The following COG3 variants were observed in gnomAD, a reference collection of about 807,000 sequenced individuals.
COG3 encodes conserved oligomeric Golgi complex subunit 3.
COG3 carries 32 observed loss-of-function variants against 114.1 expected under a neutral mutation model. That is an observed-to-expected ratio of 0.28 (90% CI 0.21 to 0.38). The LOEUF is 0.38. COG3 is among the 10% of genes least tolerant of loss of function. COG3 has a pLI of 1.00. For synonymous variants in COG3, 352 were observed against 365.7 expected (o/e 0.96, Z 0.43); for missense variants, 813 against 973.2 (o/e 0.84, Z 2.19).
intron 17 of COG3, 80 bp downstream of exon 17, chr13:45,516,343 ATG>A: frequency 3.2e-6 from 4 of 1,234,514 alleles, no homozygotes; most frequent in Non-Finnish European, 4.3e-6. Context: ...GGTTTATTTT[ATG>A]TTCATCTGCA....
intron 12 of COG3, among the ~76,000 whole-genome samples, chr13:45,495,408 T>TA (rs1018944620): frequency 8.5e-5 from 13 of 152,084 alleles, no homozygotes; most frequent in African/African-American, 2.9e-4. Flanking sequence ...GACAGGGTCT[T>TA]ACTCTATTGC....
intron 15 of COG3, among the ~76,000 whole-genome samples, chr13:45,510,145 T>C (rs530069893): frequency 1.3e-3 from 189 of 146,470 alleles, no homozygotes; most frequent in African/African-American, 5.0e-3. Context: ...TAATGAATTG[T>C]CTAGATGCCA....
chr13:45,503,217 A>G lies in COG3; in HGVS notation c.1489-27A>G, dbSNP rs765526891. ...GTTGCCAAACACTGCTGAAAACGGT[A>G]ACATTCCTTCTGATTTCTTTATACA... On this transcript the variant is annotated intron_variant, in intron 13 of 22. Transcript: ENST00000349995. 4.5e-6 allele frequency: 5 copies of G among 1,112,952 alleles called. No individual in the cohort carries two copies. The South Asian group carries it at 6.2e-5, about 14-fold the overall frequency. 68.9% of individuals were successfully genotyped at this position (1,112,952 alleles called of 1,614,324 possible).
intron 14 of COG3, among the ~76,000 whole-genome samples, chr13:45,508,333 C>A (rs114868355): frequency 7.5e-5 from 11 of 147,044 alleles, no homozygotes; most frequent in African/African-American, 2.7e-4. Context: ...TGATGAACAC[C>A]CATACCCACA....
In COG3 at chr13:45,530,772, A is replaced by G. The variant is rs752176778; in HGVS notation, c.2449A>G (p.Met817Val). The change falls in exon 22 of 23, where the codon ATG (methionine) becomes GTG (valine). Residue 817 changes from methionine (M) to valine (V), a missense_variant. Around this residue, in one of 2 missense-constraint regions of COG3, gnomAD observed 389 missense variants for 542.6 expected, o/e 0.72. Coordinates refer to ENST00000349995, the MANE Select transcript of COG3 (RefSeq NM_031431.4). ...EDIQIIACPS[M>V]EQLSLLLLVS... ...CATCCAGATCATTGCCTGTCCATCT[A>G]TGGAACAGGTAATGGGTAGACTGAA... is the stretch of plus-strand genomic sequence containing the variant. 45 of 1,608,588 alleles carry G rather than the reference A, an allele frequency of 2.8e-5. No homozygotes were observed. The highest frequency in any genetic ancestry group is 1.6e-4 in the Middle Eastern group (1 of 6,078).
intron 13 of COG3, 100 bp downstream of exon 13, chr13:45,496,412 G>A (rs1466101485): frequency 2.2e-6 from 2 of 920,380 alleles, no homozygotes; most frequent in African/African-American, 3.5e-5. Context: ...TAGAGACAGG[G>A]TTTCCCCTTG....
At chr13:45,467,394 C>T (rs1043608096) in intron 1 of COG3, among the ~76,000 whole-genome samples, 2 of 152,174 alleles carry the variant, frequency 1.3e-5, no homozygotes, top group African/African-American at 4.8e-5. Context: ...GAGTTCAAGA[C>T]CAGCCTGGCC....
At chr13:45,494,385 C>T (rs1387358509) in intron 12 of COG3, among the ~76,000 whole-genome samples, 1 of 150,738 alleles carries the variant, frequency 6.6e-6, no homozygotes, top group Non-Finnish European at 1.5e-5. Context: ...AATTTATTGT[C>T]CTCAGTTTGG....
rs549570981 is a variant in COG3 at position 45,536,129 on chromosome 13, G to C, written c.*1398G>C. The C allele has an allele frequency of 2.0e-5, 3 of 152,470 alleles. No individual in the cohort carries two copies. In the East Asian group the frequency reaches 5.8e-4, roughly 29 times the overall value. The allele number at this position is 152,470 out of a possible 1,614,324, so 9.4% of individuals were successfully genotyped here. Reference sequence around the variant, plus strand: ...TACTCTCTATTTTGAGAAGGTAGAAGGTAAGAGGGCCCATATTCATTCTTT... The same window carrying C: ...TACTCTCTATTTTGAGAAGGTAGAACGTAAGAGGGCCCATATTCATTCTTT... On this transcript the variant is annotated 3_prime_UTR_variant, in exon 23 of 23. Coordinates refer to ENST00000349995, the MANE Select transcript of COG3 (RefSeq NM_031431.4).
At position 45,478,785 on chromosome 13, in the gene COG3, G is replaced by A. The variant is rs1269640523; in HGVS notation, c.322-220G>A. On this transcript the variant is annotated intron_variant, in intron 2 of 22. Transcript: ENST00000349995. ...ATTACAGGTGTGAGCCACCACACCC[G>A]GTGAAATGGCCGATGTTTTAATATC... 4.6e-5 allele frequency among the ~76,000 whole-genome samples: 7 copies of A among 152,292 alleles called. No individual in the cohort carries two copies. The East Asian group carries it at 7.7e-4, about 17-fold the overall frequency.
chr13:45,480,744 T>G (rs1886199658), intron 4 of COG3, among the ~76,000 whole-genome samples: 1 of 152,118 alleles, frequency 6.6e-6, no homozygotes, highest in East Asian at 1.9e-4. Flanking sequence ...TTTTGTATTT[T>G]TAGTAGAGAC....
At chr13:45,510,759 C>G (rs1372539353) in intron 15 of COG3, among the ~76,000 whole-genome samples, 1 of 152,162 alleles carries the variant, frequency 6.6e-6, no homozygotes, top group Admixed American at 6.5e-5. Flanking sequence ...TTTAGTCTTA[C>G]CGATCAAAGG....
In COG3 at chr13:45,493,365, G is replaced by A. The variant is rs1887134400; in HGVS notation, c.1206G>A (p.Leu402=). 6.2e-7 allele frequency: 1 copy of A among 1,611,674 alleles called. No homozygotes were observed. The highest frequency in any genetic ancestry group is 1.1e-5 in the South Asian group (1 of 90,768). The change falls in exon 12 of 23, where the codon CTG becomes CTA. Residue 402 remains leucine (L), a synonymous_variant. Coordinates refer to ENST00000349995, the MANE Select transcript of COG3 (RefSeq NM_031431.4). ...ATTTTAGTGAGCTTTTGGAGAAACT[G>A]TGTGTGTCATTGTATGATGTCTTCA... The part of the protein sequence containing the change: ...TSKLDELLEK[L]CVSLYDVFRP...
chr13:45,497,775 G>T (rs1356593024), intron 13 of COG3, among the ~76,000 whole-genome samples: 3 of 75,560 alleles, frequency 4.0e-5, no homozygotes, highest in South Asian at 4.8e-4. Flanking sequence ...GACAGAGCCA[G>T]ACCCTGTCTC....
rs551149553 is a variant in COG3, at chr13:45,509,752, G to C, written c.1655G>C (p.Gly552Ala). The C allele has an allele frequency of 3.7e-6, 6 of 1,613,896 alleles. No individual in the cohort carries two copies. Among genetic ancestry groups the C allele is most frequent in the Non-Finnish European group, 5.1e-6 (6 of 1,179,906 alleles). The change falls in exon 15 of 23, where the codon GGA (glycine) becomes GCA (alanine). Residue 552 changes from glycine (G) to alanine (A), a missense_variant. Coordinates refer to ENST00000349995, the MANE Select transcript of COG3 (RefSeq NM_031431.4). ...QTTISPADLHGMWYPTVRRTL... is the reference protein window; with the variant it reads ...QTTISPADLHAMWYPTVRRTL... The stretch of plus-strand genomic sequence containing the variant: ...ACAATTTCTCCAGCAGATCTTCATG[G>C]AATGTGGTATCCTACGGTTCGAAGA...
At chr13:45,513,243 T>TTA (rs1281111904) in intron 16 of COG3, among the ~76,000 whole-genome samples, 3 of 42,818 alleles carry the variant, frequency 7.0e-5, no homozygotes, top group East Asian at 1.3e-3. Flanking sequence ...TACATATAAA[T>TTA]TATACATATA....
intron 13 of COG3, among the ~76,000 whole-genome samples, chr13:45,497,887 G>T (rs1869017116): frequency 6.6e-6 from 1 of 152,038 alleles, no homozygotes; most frequent in Non-Finnish European, 1.5e-5. Context: ...AATAGATTCT[G>T]GGTTACTCCT....
intron 19 of COG3, among the ~76,000 whole-genome samples, chr13:45,523,271 G>A (rs978589463): frequency 2.6e-5 from 4 of 151,708 alleles, no homozygotes; most frequent in Admixed American, 2.6e-4. Flanking sequence ...TCCCTCTGAA[G>A]TGTTGTTAAT....
rs1200215137 is a variant in COG3 at position 45,509,749 on chromosome 13, A to G, written c.1652A>G (p.His551Arg). The G allele has an allele frequency of 1.2e-6, 2 of 1,614,140 alleles. No individual in the cohort carries two copies. Among genetic ancestry groups the G allele is most frequent in the Non-Finnish European group, 8.5e-7 (1 of 1,179,954 alleles). The change falls in exon 15 of 23, where the codon CAT (histidine) becomes CGT (arginine). Residue 551 changes from histidine to arginine, a missense_variant. By Grantham distance (29) the His-to-Arg change is conservative. Coordinates refer to ENST00000349995, the MANE Select transcript of COG3 (RefSeq NM_031431.4). ...ACCACAATTTCTCCAGCAGATCTTCATGGAATGTGGTATCCTACGGTTCGA... is the reference window on the plus strand; with the variant it reads ...ACCACAATTTCTCCAGCAGATCTTCGTGGAATGTGGTATCCTACGGTTCGA... ...PQTTISPADL[H>R]GMWYPTVRRT...
Sources: allele counts gnomAD v4.1 joint callset (sites outside exome capture counted in the v4.1 genomes callset), GRCh38; gene constraint gnomAD v4.1.1; regional missense constraint gnomAD v4.1.1; transcripts MANE v1.5; gene names NCBI Gene and HGNC (gene_info 2026-07-23, HGNC 2026-07-21).